Variants in ZNF345 observed in about 807,000 individuals in gnomAD.
ZNF345 encodes zinc finger protein HZF10.
For missense variants in ZNF345, 527 were observed against 589.9 expected (o/e 0.89, Z 1.10); for synonymous variants, 166 against 187.9 (o/e 0.88, Z 0.95).
At chr19:36,869,805 C>T (rs1014408637) in intron 2 of ZNF345, among the ~76,000 whole-genome samples, 2 of 151,190 alleles carry the variant, frequency 1.3e-5, no homozygotes, top group African/African-American at 2.4e-5. Flanking sequence ...TCTGTCGCCC[C>T]GGCTGGAATG....
chr19:36,884,684 A>T (rs2072986850), intron 3 of ZNF345, among the ~76,000 whole-genome samples: 1 of 152,142 alleles, frequency 6.6e-6, no homozygotes, highest in South Asian at 2.1e-4. Context: ...GTCAAAACTG[A>T]GATAGCATGC....
chr19:36,874,760 C>T (rs2072849450), intron 2 of ZNF345, among the ~76,000 whole-genome samples: 1 of 152,180 alleles, frequency 6.6e-6, no homozygotes, highest in African/African-American at 2.4e-5. Flanking sequence ...GCTTAGGCAA[C>T]AAGAGCGAAA....
chr19:36,857,042 C>T (rs2072434104), intron 2 of ZNF345, among the ~76,000 whole-genome samples: 1 of 151,928 alleles, frequency 6.6e-6, no homozygotes, highest in South Asian at 2.1e-4. Context: ...CGTTGTGTAG[C>T]TATTGATCTG....
At chr19:36,882,418 CCA>C (rs1200777924), downstream of ZNF345, among the ~76,000 whole-genome samples, 3 of 152,056 alleles carry the variant, frequency 2.0e-5, no homozygotes, top group African/African-American at 7.2e-5. Flanking sequence ...CAGGCATGCG[CCA>C]CCACGCCTGG....
Position 36,877,265 on chromosome 19 carries a change from C to G in ZNF345, c.435C>G (p.Pro145=). 2 of 1,613,092 alleles carry G rather than the reference C, an allele frequency of 1.2e-6. No individual in the cohort carries two copies. Among genetic ancestry groups the G allele is most frequent in the Non-Finnish European group, 1.7e-6 (2 of 1,179,720 alleles). ...HHQRIHTGEK[P]YECKECGKAF... ...AGAGAATTCATACTGGTGAGAAACC[C>G]TATGAGTGTAAGGAATGTGGGAAAG... Residue 145 remains proline, a synonymous_variant, in exon 3 of 3, where the codon CCC becomes CCG. Coordinates refer to ENST00000420450, the MANE Select transcript of ZNF345 (RefSeq NM_001242472.2).
intron 2 of ZNF345, among the ~76,000 whole-genome samples, chr19:36,857,893 A>C (rs934166596): frequency 2.0e-5 from 3 of 152,150 alleles, no homozygotes; most frequent in Admixed American, 1.3e-4. Context: ...ATTCTGCCTC[A>C]GCCTCCCAAG....
chr19:36,883,951 C>A (rs528938211), downstream of ZNF345, among the ~76,000 whole-genome samples: 1 of 152,318 alleles, frequency 6.6e-6, no homozygotes, highest in South Asian at 2.1e-4. Context: ...CCAAGGGCTA[C>A]CCATACTTCA....
chr19:36,871,073 G>A (rs1476285017), intron 2 of ZNF345, among the ~76,000 whole-genome samples: 2 of 152,202 alleles, frequency 1.3e-5, no homozygotes, highest in Non-Finnish European at 2.9e-5. Context: ...AGTTGTGGAG[G>A]CTGGAAAGTA....
downstream of ZNF345, among the ~76,000 whole-genome samples, chr19:36,880,379 G>A (rs2072961203): frequency 6.6e-6 from 1 of 151,896 alleles, no homozygotes; most frequent in South Asian, 2.1e-4. Context: ...ATTATAAAGT[G>A]TGAGAAGACA....
upstream of ZNF345, chr19:36,850,858 T>C (rs1223666058): frequency 6.6e-6 from 1 of 152,268 alleles, no homozygotes; most frequent in Non-Finnish European, 1.5e-5. Context: ...TCTTGAGGAG[T>C]GGGCGGGATC....
intron 2 of ZNF345, among the ~76,000 whole-genome samples, chr19:36,869,464 G>T (rs2072730805): frequency 6.6e-6 from 1 of 152,112 alleles, no homozygotes; most frequent in African/African-American, 2.4e-5. Flanking sequence ...AGGCATGATT[G>T]ATTAATCATT....
intron 3 of ZNF345, among the ~76,000 whole-genome samples, chr19:36,886,643 C>T (rs1029440421): frequency 1.8e-4 from 28 of 151,908 alleles, no homozygotes; most frequent in African/African-American, 5.1e-4. Flanking sequence ...GTCAGGAGTT[C>T]GAGACCAGCC....
intron 3 of ZNF345, among the ~76,000 whole-genome samples, chr19:36,885,326 G>A (rs1266688859): frequency 2.0e-5 from 3 of 151,246 alleles, no homozygotes; most frequent in Non-Finnish European, 4.4e-5. Context: ...TGCAGGGTTG[G>A]TAAGACTTTG....
At chr19:36,888,113 G>C (rs2073014353) in intron 3 of ZNF345, 1 of 151,954 alleles carries the variant, frequency 6.6e-6, no homozygotes, top group African/African-American at 2.4e-5. Flanking sequence ...CAGTAAAGAT[G>C]ACCAACAACG....
chr19:36,855,584 C>T (rs2072399293), intron 2 of ZNF345, among the ~76,000 whole-genome samples: 1 of 151,110 alleles, frequency 6.6e-6, no homozygotes, highest in South Asian at 2.1e-4. Flanking sequence ...TCCCGAGTAG[C>T]TGGGATTACA....
In ZNF345 at chr19:36,878,388, CCTTA is replaced by C. The variant is rs2072936222; in HGVS notation, c.*96_*99del. The stretch of plus-strand genomic sequence containing the variant: ...TACAAATAGAACTAAGGTACAAATG[CCTTA>C]CTTATGCTTCACAGGTTAGTCAGTC... On this transcript the variant is annotated 3_prime_UTR_variant, in exon 3 of 3. Transcript: ENST00000420450. The C allele has an allele frequency of 1.7e-5, 21 of 1,250,036 alleles. No individual in the cohort carries two copies. Among genetic ancestry groups the C allele is most frequent in the Non-Finnish European group, 2.2e-5 (20 of 907,176 alleles). 77.4% of individuals were successfully genotyped at this position (1,250,036 alleles called of 1,614,324 possible).
rs539359414 is a variant in ZNF345 at position 36,852,232 on chromosome 19, T to C, written c.-47+328T>C. Among the ~76,000 whole-genome samples, 5 of 149,388 alleles carry C rather than the reference T, an allele frequency of 3.3e-5. No homozygotes were observed. The South Asian group carries it at 1.1e-3, about 33-fold the overall frequency. On this transcript the variant is annotated intron_variant, in intron 2 of 2. Coordinates refer to ENST00000420450, the MANE Select transcript of ZNF345 (RefSeq NM_001242472.2). Reference sequence around the variant, plus strand: ...CATTTGTCTTGTAATTTTTGGCTACTACAGGCAGTGTGACTATGATCATTT... The same window carrying C: ...CATTTGTCTTGTAATTTTTGGCTACCACAGGCAGTGTGACTATGATCATTT...
intron 2 of ZNF345, among the ~76,000 whole-genome samples, chr19:36,868,322 T>A (rs1389145724): frequency 6.6e-6 from 1 of 152,092 alleles, no homozygotes; most frequent in Non-Finnish European, 1.5e-5. Context: ...ATTTTATATT[T>A]GCATGTGTTT....
Position 36,876,804 on chromosome 19 carries a change from A to G in ZNF345, c.-27A>G. ...TTTCAGACTATGAATCAAAGTTGAG[A>G]CCAAGAAATTATTTCTGAAAAAGGA... is the stretch of plus-strand genomic sequence containing the variant. On this transcript the variant is annotated 5_prime_UTR_variant, in exon 3 of 3. Coordinates refer to ENST00000420450, the MANE Select transcript of ZNF345 (RefSeq NM_001242472.2). 6.5e-7 allele frequency: 1 copy of G among 1,549,570 alleles called. No homozygotes were observed. Among genetic ancestry groups the G allele is most frequent in the Admixed American group, 2.1e-5 (1 of 47,400 alleles).
Sources: allele counts gnomAD v4.1 joint callset (sites outside exome capture counted in the v4.1 genomes callset), GRCh38; gene constraint gnomAD v4.1.1; transcripts MANE v1.5; gene names NCBI Gene and HGNC (gene_info 2026-07-23, HGNC 2026-07-21).